The following CYFIP2 variants were observed in gnomAD, a reference collection of about 807,000 sequenced individuals.
CYFIP2 encodes the protein cytoplasmic FMR1-interacting protein 2.
A neutral mutation model predicts 158.7 loss-of-function variants in CYFIP2; 29 were observed. The ratio of observed to expected loss-of-function variants is 0.18; its 90% CI spans 0.14 to 0.25. The LOEUF (loss-of-function observed/expected upper bound fraction) is 0.25, where lower values mean the gene tolerates loss of function less well. Ranked by LOEUF, CYFIP2 falls within the 10% of genes least tolerant of loss-of-function variation. The probability of loss-of-function intolerance (pLI) is 1.00; values close to 1 mark genes in which losing one functional copy is unlikely to be tolerated. For synonymous variants in CYFIP2, 585 were observed against 617.6 expected (o/e 0.95, Z 0.78); for missense variants, 852 against 1,639.5 (o/e 0.52, Z 8.29).
intron 11 of CYFIP2, among the ~76,000 whole-genome samples, chr5:157,312,609 G>A (rs1331801337): frequency 6.6e-6 from 1 of 152,158 alleles, no homozygotes; most frequent in African/African-American, 2.4e-5. Context: ...TCCACCATGT[G>A]GCTAACAGCC....
chr5:157,311,796 T>C lies in CYFIP2; in HGVS notation c.1110+15T>C. The stretch of plus-strand genomic sequence containing the variant: ...GCAACAGTGAGGTGAGCATGCAGGC[T>C]GCTGGGGCACAGGCCCGTGGGCCCA... On this transcript the variant is annotated intron_variant, in intron 11 of 30. Transcript: ENST00000620254. This position sits in a 1 kb window ranked among gnomAD's most constrained non-coding sequence, Gnocchi z 4.7. 1 of 1,580,454 alleles carries C rather than the reference T, an allele frequency of 6.3e-7. No individual in the cohort carries two copies. The highest frequency in any genetic ancestry group is 8.6e-7 in the Non-Finnish European group (1 of 1,163,242).
rs564452362 is a variant in CYFIP2 at position 157,313,699 on chromosome 5, G to A, written c.1111-645G>A. Among the ~76,000 whole-genome samples, 29 of 152,260 alleles carry A rather than the reference G, an allele frequency of 1.9e-4. No homozygotes were observed. The South Asian group carries it at 5.6e-3, about 29-fold the overall frequency. On this transcript the variant is annotated intron_variant, in intron 11 of 30. Transcript: ENST00000620254. ...ACAGAATCCGCCAATAATGAGGACTGGCTGTATATGTATATATGTGTATGT... is the reference window on the plus strand; with the variant it reads ...ACAGAATCCGCCAATAATGAGGACTAGCTGTATATGTATATATGTGTATGT...
chr5:157,390,471 C>A, intron 29 of CYFIP2, 50 bp from the exon 30 acceptor site: 3 of 1,207,972 alleles, frequency 2.5e-6, no homozygotes, highest in Non-Finnish European at 2.3e-6. Context: ...TCCCTCCCTG[C>A]CCTCCTCCCC....
chr5:157,355,264 C>T (rs1763338171), intron 23 of CYFIP2, among the ~76,000 whole-genome samples: 1 of 152,186 alleles, frequency 6.6e-6, no homozygotes, highest in South Asian at 2.1e-4. Context: ...ATATGCACTC[C>T]CCTGTTTACA....
At chr5:157,373,986 G>A (rs1459216722) in intron 26 of CYFIP2, among the ~76,000 whole-genome samples, 1 of 152,180 alleles carries the variant, frequency 6.6e-6, no homozygotes, top group Non-Finnish European at 1.5e-5. Flanking sequence ...TTGCCTAGGG[G>A]TTGAATTAAG....
chr5:157,342,861 C>G, intron 23 of CYFIP2: 1 of 1,608,584 alleles, frequency 6.2e-7, no homozygotes, highest in Non-Finnish European at 8.5e-7. Flanking sequence ...CCTCCCCACT[C>G]TCATTCCCCA....
Position 157,389,227 on chromosome 5 carries a change from G to A in CYFIP2, c.3246G>A (p.Lys1082=), listed in dbSNP as rs767875372. The stretch of plus-strand genomic sequence containing the variant: ...CTCGCGAGGGTGACCTCCTGACCAA[G>A]GAGCGGCTGTGCTGTGGCCTGTCCA... ...AIAREGDLLT[K]ERLCCGLSMF... Residue 1082 remains lysine (K), a synonymous_variant, in exon 29 of 31, where the codon AAG becomes AAA. Coordinates refer to ENST00000620254, the MANE Select transcript of CYFIP2 (RefSeq NM_001037333.3). 1.2e-6 allele frequency: 2 copies of A among 1,613,722 alleles called. No individual in the cohort carries two copies. The highest frequency in any genetic ancestry group is 4.5e-5 in the East Asian group (2 of 44,862).
At chr5:157,376,789 C>T in intron 26 of CYFIP2, 1 of 424,720 alleles carries the variant, frequency 2.4e-6, no homozygotes, top group South Asian at 1.7e-5. Context: ...CCCCTGGGGT[C>T]AGCCTCCATC....
chr5:157,328,303 A>G (rs897280700), intron 19 of CYFIP2, among the ~76,000 whole-genome samples: 20 of 152,246 alleles, frequency 1.3e-4, no homozygotes, highest in Non-Finnish European at 2.8e-4. Flanking sequence ...CAAGGAGGTT[A>G]CATGCTGTCT....
chr5:157,271,369 T>G (rs1276004919), intron 1 of CYFIP2: 1 of 152,302 alleles, frequency 6.6e-6, no homozygotes, highest in African/African-American at 2.4e-5. Context: ...GAGGCCCAAA[T>G]CCAGTGATTC....
rs1278997395 is a variant in CYFIP2, at chr5:157,339,125, C to T, written c.2454C>T (p.Asp818=). ...HRLLCKHMTL[D]SFDAMFREAN... ...TGCTCTGTAAGCATATGACGCTGGA[C>T]AGCTTCGATGCCATGTTCCGAGAGG... The change falls in exon 22 of 31, where the codon GAC becomes GAT. Residue 818 remains aspartate, a synonymous_variant. Transcript: ENST00000620254. 5 of 1,613,910 alleles carry T rather than the reference C, an allele frequency of 3.1e-6. No homozygotes were observed. In the African/African-American group the frequency reaches 6.7e-5, roughly 22 times the overall value.
At chr5:157,382,743 C>T in intron 27 of CYFIP2, 81 bp downstream of exon 27, 1 of 1,392,252 alleles carries the variant, frequency 7.2e-7, no homozygotes, top group South Asian at 1.2e-5. Flanking sequence ...CAACTCAGAT[C>T]TAGTCAGCAA....
chr5:157,384,346 G>A (rs747432033), intron 28 of CYFIP2: 10 of 456,636 alleles, frequency 2.2e-5, no homozygotes, highest in South Asian at 1.1e-4. Flanking sequence ...GGCAGGGGAA[G>A]AATTCTAGAA....
chr5:157,280,422 C>CCAGGCTGGT (rs1203574033), intron 1 of CYFIP2, among the ~76,000 whole-genome samples: 1 of 144,254 alleles, frequency 6.9e-6, no homozygotes, highest in African/African-American at 2.6e-5. Flanking sequence ...GAAAAATTGA[C>CCAGGCTGGT]CAGGCTGGTC....
In CYFIP2 at chr5:157,382,677, C is replaced by T. The variant is rs1374937264; in HGVS notation, c.3112+15C>T. 1 of 1,613,154 alleles carries T rather than the reference C, an allele frequency of 6.2e-7. No individual in the cohort carries two copies. Among genetic ancestry groups the T allele is most frequent in the Non-Finnish European group, 8.5e-7 (1 of 1,179,256 alleles). On this transcript the variant is annotated intron_variant, in intron 27 of 30. Transcript: ENST00000620254. The stretch of plus-strand genomic sequence containing the variant: ...CTACATCAAAGGTAAGAAACCACTA[C>T]AGCAGCTGAATAGCCAACTGGCGTT...
intron 23 of CYFIP2, chr5:157,343,054 C>G (rs374229052): frequency 1.2e-6 from 2 of 1,614,090 alleles, no homozygotes; most frequent in African/African-American, 1.3e-5. Context: ...CCTCCTCTGG[C>G]CATCTCACCA....
At chr5:157,338,823 A>C (rs1197864945) in intron 21 of CYFIP2, among the ~76,000 whole-genome samples, 1 of 152,110 alleles carries the variant, frequency 6.6e-6, no homozygotes, top group Non-Finnish European at 1.5e-5. Flanking sequence ...CCCTTCCCCT[A>C]CCTTGCCCTT....
intron 30 of CYFIP2, among the ~76,000 whole-genome samples, chr5:157,392,579 A>C (rs1035758864): frequency 7.2e-5 from 11 of 152,194 alleles, no homozygotes; most frequent in African/African-American, 2.4e-4. Context: ...ATTCATCTGT[A>C]CATCTACCTT....
chr5:157,309,967 G>T (rs749698322), intron 10 of CYFIP2, 133 bp downstream of exon 10: 1 of 854,486 alleles, frequency 1.2e-6, no homozygotes, highest in Non-Finnish European at 1.8e-6. Context: ...CACAGGTGCC[G>T]GCCGGAGGGG....
Sources: gnomAD v4.1 joint callset for allele counts (sites outside exome capture counted in the v4.1 genomes callset) on GRCh38, gnomAD v4.1.1 for gene constraint, Gnocchi (gnomAD v3.1) non-coding constraint, MANE v1.5 for transcripts, NCBI Gene and HGNC (gene_info 2026-07-23, HGNC 2026-07-21) for gene names.